Variants in UTP25 observed in about 807,000 individuals in gnomAD.
The protein encoded by UTP25 is U3 small nucleolar RNA-associated protein 25 homolog.
In UTP25, 50 loss-of-function variants were observed where a neutral mutation model predicts 78.9. The observed-to-expected ratio is 0.63, with a 90% confidence interval of 0.50 to 0.80. The LOEUF (loss-of-function observed/expected upper bound fraction) is 0.80. Among genes scored for constraint, UTP25 ranks in the 30% least tolerant of loss-of-function variants. The pLI, the probability that UTP25 is intolerant of heterozygous loss-of-function variation, is 0.00. For missense variants in UTP25, 846 were observed against 911.3 expected (o/e 0.93, Z 0.92); for synonymous variants, 329 against 336.5 (o/e 0.98, Z 0.24).
intron 11 of UTP25, among the ~76,000 whole-genome samples, chr1:209,849,953 T>G (rs1450304329): frequency 6.6e-6 from 1 of 152,144 alleles, no homozygotes; most frequent in Non-Finnish European, 1.5e-5. Context: ...TGGCTGCACA[T>G]CTCTGGGTCA....
chr1:209,833,319 G>T lies in UTP25; in HGVS notation c.523G>T (p.Glu175Ter), dbSNP rs1206315653. The T allele has an allele frequency of 6.3e-7, 1 of 1,590,400 alleles. No individual in the cohort carries two copies. Among genetic ancestry groups the T allele is most frequent in the African/African-American group, 1.4e-5 (1 of 73,630 alleles). ...LFSLETNFLEEESGDNSSLKA... is the reference protein window; with the variant it reads ...LFSLETNFLE The stretch of plus-strand genomic sequence containing the variant: ...CAGCCTGGAAACCAATTTTCTGGAA[G>T]AGGAAAGTGGAGACAACTCTTCTTT... Residue 175 changes from glutamate (E) to a stop codon, truncating the protein, a stop_gained, in exon 4 of 12, where the codon GAG becomes TAG. Transcript: ENST00000491415. LOFTEE classifies it high-confidence loss of function.
intron 8 of UTP25, among the ~76,000 whole-genome samples, chr1:209,841,630 T>C (rs1211259743): frequency 6.6e-6 from 1 of 152,206 alleles, no homozygotes; most frequent in African/African-American, 2.4e-5. Context: ...ACAATCCTTA[T>C]TTAGGAACTA....
At chr1:209,843,955 G>C (rs2078181650) in intron 11 of UTP25, 1 of 484,712 alleles carries the variant, frequency 2.1e-6, no homozygotes, top group Admixed American at 3.6e-5. Flanking sequence ...TGTAGCTGTG[G>C]TTATACACTG....
intron 1 of UTP25, among the ~76,000 whole-genome samples, chr1:209,829,604 C>T (rs1182178286): frequency 6.6e-6 from 1 of 152,006 alleles, no homozygotes. Flanking sequence ...CTGCCTCAGC[C>T]TTCCCAGTAG....
At chr1:209,844,945 T>A (rs1343034990) in intron 11 of UTP25, among the ~76,000 whole-genome samples, 3 of 152,238 alleles carry the variant, frequency 2.0e-5, no homozygotes, top group African/African-American at 7.2e-5. Context: ...GACTTTACTG[T>A]TTTATTAACT....
chr1:209,840,321 T>G (rs2078159283), intron 7 of UTP25, among the ~76,000 whole-genome samples: 1 of 151,880 alleles, frequency 6.6e-6, no homozygotes, highest in Non-Finnish European at 1.5e-5. Flanking sequence ...TGCAGAAGAG[T>G]TATTTGGATC....
chr1:209,850,594 C>T (rs752690596), intron 11 of UTP25, among the ~76,000 whole-genome samples: 15 of 152,218 alleles, frequency 9.9e-5, no homozygotes, highest in Non-Finnish European at 2.2e-4. Context: ...CACCCCCCAC[C>T]ACAGGGCGGC....
At chr1:209,835,937 T>C (rs1204864696) in intron 5 of UTP25, among the ~76,000 whole-genome samples, 1 of 152,184 alleles carries the variant, frequency 6.6e-6, no homozygotes. Context: ...AATTTTATCA[T>C]GCATAGGTTC....
chr1:209,839,883 C>T (rs539437356), intron 7 of UTP25, among the ~76,000 whole-genome samples: 38 of 152,244 alleles, frequency 2.5e-4, no homozygotes, highest in Non-Finnish European at 4.3e-4. Flanking sequence ...AAAGCAAACC[C>T]CCTTACCCAA....
chr1:209,840,445 C>T (rs1314917349), intron 7 of UTP25, among the ~76,000 whole-genome samples: 1 of 152,170 alleles, frequency 6.6e-6, no homozygotes. Flanking sequence ...ACATTCTGTG[C>T]CGTTTGTACT....
rs3028168 is a variant in UTP25, at chr1:209,854,324, TGAGA to T, written c.*2882_*2885del. The T allele has an allele frequency of 6.6e-6, 1 of 152,086 alleles. No individual in the cohort carries two copies. 9.4% of individuals were successfully genotyped at this position (152,086 alleles called of 1,614,324 possible). ...ACAACCAGCTTAGCACTTTTCTTTT[TGAGA>T]GAGAAAAAGCTTTGAATCGTGGATG... On this transcript the variant is annotated 3_prime_UTR_variant, in exon 12 of 12. Coordinates refer to ENST00000491415, the MANE Select transcript of UTP25 (RefSeq NM_014388.7).
In UTP25 at chr1:209,857,409, G is replaced by A. The variant is rs1484783400; in HGVS notation, c.*5962G>A. 1 of 151,520 alleles carries A rather than the reference G, an allele frequency of 6.6e-6. No individual in the cohort carries two copies. The highest frequency in any genetic ancestry group is 2.4e-5 in the African/African-American group (1 of 41,178). 9.4% of individuals were successfully genotyped at this position (151,520 alleles called of 1,614,324 possible). A position where few individuals can be genotyped will look rare whatever the true frequency, so the allele number is the denominator to read the frequency against. ...ACCCATGCCCATTCCACAAATACAA[G>A]TGAAATAGTGAAAAACAAAAATCAA... On this transcript the variant is annotated 3_prime_UTR_variant, in exon 12 of 12. Coordinates refer to ENST00000491415, the MANE Select transcript of UTP25 (RefSeq NM_014388.7).
intron 3 of UTP25, 95 bp from the exon 4 acceptor site, chr1:209,833,090 A>C: frequency 1.7e-6 from 2 of 1,170,666 alleles, no homozygotes; most frequent in Non-Finnish European, 2.4e-6. Flanking sequence ...GTATCAATGA[A>C]CGCTATTGTT....
Position 209,828,037 on chromosome 1 carries a change from CAAG to C in UTP25, c.-26_-24del. 1 of 1,592,180 alleles carries C rather than the reference CAAG, an allele frequency of 6.3e-7. No homozygotes were observed. Among genetic ancestry groups the C allele is most frequent in the Non-Finnish European group, 8.6e-7 (1 of 1,160,138 alleles). Reference sequence around the variant, plus strand: ...TCCTGGTGGAAAACCGCGACTCTTGCAAGTGGGCAAACTTGACGTTTTCGCTAT... The same window carrying C: ...TCCTGGTGGAAAACCGCGACTCTTGCTGGGCAAACTTGACGTTTTCGCTAT... On this transcript the variant is annotated 5_prime_UTR_variant, in exon 1 of 12. Coordinates refer to ENST00000491415, the MANE Select transcript of UTP25 (RefSeq NM_014388.7).
chr1:209,838,878 C>T lies in UTP25; in HGVS notation c.1063-31C>T. On this transcript the variant is annotated intron_variant, in intron 6 of 11. Coordinates refer to ENST00000491415, the MANE Select transcript of UTP25 (RefSeq NM_014388.7). ...TCAAGATCCTGTTCCTTCCTCTTAC[C>T]CCACTAAGGCTGCTGTTGCTGTCTG... is the stretch of plus-strand genomic sequence containing the variant. The T allele has an allele frequency of 1.2e-6, 2 of 1,608,502 alleles. 1 individual carries two copies. The highest frequency in any genetic ancestry group is 2.2e-5 in the South Asian group (2 of 90,948).
At chr1:209,851,080 G>A in intron 11 of UTP25, 124 bp from the exon 12 acceptor site, 1 of 1,059,630 alleles carries the variant, frequency 9.4e-7, no homozygotes, top group Non-Finnish European at 1.3e-6. Flanking sequence ...TGTTACTTGT[G>A]CCACTGTTTT....
Position 209,855,954 on chromosome 1 carries a change from C to G in UTP25, c.*4507C>G, listed in dbSNP as rs2078272393. The G allele has an allele frequency of 6.6e-6, 1 of 152,366 alleles. No homozygotes were observed. Among genetic ancestry groups the G allele is most frequent in the Admixed American group, 6.5e-5 (1 of 15,282 alleles). 9.4% of individuals were successfully genotyped at this position (152,366 alleles called of 1,614,324 possible). A position where few individuals can be genotyped will look rare whatever the true frequency, so the allele number is the denominator to read the frequency against. On this transcript the variant is annotated 3_prime_UTR_variant, in exon 12 of 12. Transcript: ENST00000491415. Reference sequence around the variant, plus strand: ...CCCTGCCACCTTCGTCCTCACTGACCTCTGCAGCCTCTCTCATCTGCCAGT... The same window carrying G: ...CCCTGCCACCTTCGTCCTCACTGACGTCTGCAGCCTCTCTCATCTGCCAGT...
Position 209,843,645 on chromosome 1 carries a change from A to G in UTP25, c.1976A>G (p.Gln659Arg). The G allele has an allele frequency of 1.2e-6, 2 of 1,614,134 alleles. No homozygotes were observed. The highest frequency in any genetic ancestry group is 1.7e-6 in the Non-Finnish European group (2 of 1,179,978). The change falls in exon 11 of 12, where the codon CAA (glutamine) becomes CGA (arginine). Residue 659 changes from glutamine to arginine, a missense_variant. Transcript: ENST00000491415. ...GVSRARHFFL[Q>R]GEKQFLLFTE... is the part of the protein sequence containing the mutation. ...TCCAGGGCCAGACACTTCTTCCTTCAAGGAGAGAAACAGTTTCTACTTTTC... is the reference window on the plus strand; with the variant it reads ...TCCAGGGCCAGACACTTCTTCCTTCGAGGAGAGAAACAGTTTCTACTTTTC...
At chr1:209,833,121 AT>A in intron 3 of UTP25, 63 bp from the exon 4 acceptor site, 1 of 1,481,296 alleles carries the variant, frequency 6.8e-7, no homozygotes, top group Non-Finnish European at 9.1e-7. Flanking sequence ...AAGGAAATAA[AT>A]TTTGTCAACA....
Sources: gnomAD v4.1 joint callset for allele counts (sites outside exome capture counted in the v4.1 genomes callset) on GRCh38, gnomAD v4.1.1 for gene constraint, MANE v1.5 for transcripts, NCBI Gene and HGNC (gene_info 2026-07-23, HGNC 2026-07-21) for gene names.